The following PDE11A variants were observed in gnomAD, a reference collection of about 807,000 sequenced individuals.
PDE11A encodes the protein dual 3',5'-cyclic-AMP and -GMP phosphodiesterase 11A.
A neutral mutation model predicts 100.5 loss-of-function variants in PDE11A; 100 were observed. The observed-to-expected ratio is 1.00, with a 90% CI of 0.85 to 1.18. The LOEUF (loss-of-function observed/expected upper bound fraction) is 1.18, where lower values mean the gene tolerates loss of function less well. Among genes scored for constraint, PDE11A ranks in the 50% most tolerant of loss-of-function variants. PDE11A has a pLI of 0.00. For synonymous variants in PDE11A, 381 were observed against 420.8 expected, an observed-to-expected ratio of 0.91 and a Z score of 1.16; for missense variants, 1,141 against 1,152.6, an observed-to-expected ratio of 0.99 and a Z score of 0.15.
intron 2 of PDE11A, among the ~76,000 whole-genome samples, chr2:177,929,065 T>C (rs1484420303): frequency 3.9e-5 from 6 of 152,140 alleles, no homozygotes; most frequent in Non-Finnish European, 8.8e-5. Flanking sequence ...GCAGGGGAAC[T>C]TGAGTGTTGC....
intron 19 of PDE11A, among the ~76,000 whole-genome samples, chr2:177,648,725 A>G (rs1281393357): frequency 1.3e-5 from 2 of 152,132 alleles, no homozygotes; most frequent in Non-Finnish European, 2.9e-5. Flanking sequence ...TGATAGAAAG[A>G]CTAAAAATAG....
At chr2:177,652,904 C>T (rs144238184) in intron 19 of PDE11A, among the ~76,000 whole-genome samples, 1 of 152,114 alleles carries the variant, frequency 6.6e-6, no homozygotes, top group African/African-American at 2.4e-5. Context: ...TCTATTCTTT[C>T]ATATTGGAGG....
At chr2:177,822,274 G>A (rs1002106218) in intron 6 of PDE11A, among the ~76,000 whole-genome samples, 2 of 151,764 alleles carry the variant, frequency 1.3e-5, no homozygotes, top group African/African-American at 4.8e-5. Context: ...TATAATATGA[G>A]CTAGGAGTCA....
intron 10 of PDE11A, among the ~76,000 whole-genome samples, chr2:177,746,303 A>G (rs1013706652): frequency 6.6e-6 from 1 of 152,216 alleles, no homozygotes; most frequent in African/African-American, 2.4e-5. Flanking sequence ...GAAAGATACA[A>G]AAATTTGGAA....
At chr2:177,844,482 A>G (rs1455991853) in intron 5 of PDE11A, among the ~76,000 whole-genome samples, 12 of 151,436 alleles carry the variant, frequency 7.9e-5, no homozygotes, top group Admixed American at 7.9e-4. Flanking sequence ...GAGTAATCAC[A>G]TTCTGGCTTA....
At chr2:178,018,947 G>A (rs1260023130) in intron 1 of PDE11A, among the ~76,000 whole-genome samples, 1 of 152,156 alleles carries the variant, frequency 6.6e-6, no homozygotes, top group African/African-American at 2.4e-5. Context: ...TTCTTTCCCA[G>A]AATCAGAGTA....
intron 3 of PDE11A, among the ~76,000 whole-genome samples, chr2:177,904,671 C>T (rs898266382): frequency 2.0e-5 from 2 of 100,558 alleles, no homozygotes; most frequent in Non-Finnish European, 4.8e-5. Flanking sequence ...TCTCCTGCCT[C>T]AGCCTCCCGA....
At chr2:177,709,228 C>T (rs1031116538) in intron 13 of PDE11A, among the ~76,000 whole-genome samples, 2 of 152,168 alleles carry the variant, frequency 1.3e-5, no homozygotes, top group Admixed American at 6.5e-5. Flanking sequence ...ATGTGGATGG[C>T]TTTTAAGCAG....
intron 1 of PDE11A, among the ~76,000 whole-genome samples, chr2:178,016,826 AGAGG>A (rs1323342390): frequency 6.6e-6 from 1 of 152,208 alleles, no homozygotes; most frequent in African/African-American, 2.4e-5. Context: ...TGGCTAGAGT[AGAGG>A]GAGACAAAGG....
intron 10 of PDE11A, among the ~76,000 whole-genome samples, chr2:177,768,930 TTAGC>T (rs2082274031): frequency 6.6e-6 from 1 of 152,344 alleles, no homozygotes; most frequent in South Asian, 2.1e-4. Context: ...GCACTTAGTG[TTAGC>T]TATTATTATC....
Position 177,748,092 on chromosome 2 carries a change from T to C in PDE11A, c.1789-19920A>G, listed in dbSNP as rs1269421554. 4.6e-5 allele frequency among the ~76,000 whole-genome samples: 7 copies of C among 152,322 alleles called. No individual in the cohort carries two copies. In the South Asian group the frequency reaches 1.0e-3, roughly 23 times the overall value. ...CTAATTGGTAGCACTGTGTAGCTTGTGTCTGGAATACGAGGCATTTCAGAT... is the reference window on the plus strand; with the variant it reads ...CTAATTGGTAGCACTGTGTAGCTTGCGTCTGGAATACGAGGCATTTCAGAT... On this transcript the variant is annotated intron_variant, in intron 10 of 19. Transcript: ENST00000286063.
At chr2:178,081,675 C>G (rs1393040175) in intron 2 of PDE11A, among the ~76,000 whole-genome samples, 1 of 152,202 alleles carries the variant, frequency 6.6e-6, no homozygotes, top group Non-Finnish European at 1.5e-5. Context: ...GAGTTTTAAG[C>G]ACTTTTTTGT....
intron 2 of PDE11A, among the ~76,000 whole-genome samples, chr2:177,941,068 G>A (rs1489069856): frequency 1.3e-5 from 2 of 152,142 alleles, no homozygotes; most frequent in Non-Finnish European, 1.5e-5. Flanking sequence ...TAATGAAAGC[G>A]CCTTTCTCAG....
intron 9 of PDE11A, among the ~76,000 whole-genome samples, chr2:177,805,593 C>G (rs573909795): frequency 6.6e-6 from 1 of 152,228 alleles, no homozygotes; most frequent in South Asian, 2.1e-4. Context: ...GTTCTTGAAC[C>G]TGTTTTTGCA....
intron 2 of PDE11A, among the ~76,000 whole-genome samples, chr2:178,102,715 T>C (rs758863921): frequency 4.6e-5 from 7 of 152,110 alleles, no homozygotes; most frequent in Non-Finnish European, 1.0e-4. Context: ...TGTGCCACCA[T>C]GTTTGGCCAA....
intron 5 of PDE11A, among the ~76,000 whole-genome samples, chr2:177,856,051 G>C (rs1267329762): frequency 6.6e-6 from 1 of 151,950 alleles, no homozygotes; most frequent in Non-Finnish European, 1.5e-5. Flanking sequence ...TAAAATCCCT[G>C]TCAGAGGATT....
chr2:177,937,081 C>T (rs567930242), intron 2 of PDE11A, among the ~76,000 whole-genome samples: 1 of 152,256 alleles, frequency 6.6e-6, no homozygotes, highest in South Asian at 2.1e-4. Context: ...TCTCTTTACA[C>T]ATTTCAACAG....
intron 1 of PDE11A, among the ~76,000 whole-genome samples, chr2:178,069,183 A>G (rs988322014): frequency 2.6e-5 from 4 of 152,188 alleles, no homozygotes; most frequent in Non-Finnish European, 5.9e-5. Context: ...GGGCTTTGAC[A>G]CAATATCTCA....
At chr2:177,780,560 A>G (rs1226373829) in intron 9 of PDE11A, among the ~76,000 whole-genome samples, 4 of 152,242 alleles carry the variant, frequency 2.6e-5, no homozygotes, top group African/African-American at 9.6e-5. Context: ...ATCTTCTTCC[A>G]GTAGAAAGCT....
Sources: gnomAD v4.1 joint callset for allele counts (sites outside exome capture counted in the v4.1 genomes callset) on GRCh38, gnomAD v4.1.1 for gene constraint, MANE v1.5 for transcripts, NCBI Gene and HGNC (gene_info 2026-07-23, HGNC 2026-07-21) for gene names.